The following XKR4 variants were observed in gnomAD, a reference collection of about 807,000 sequenced individuals.
The protein encoded by XKR4 is XK related 4.
In XKR4, 12 loss-of-function variants were observed where a neutral mutation model predicts 53.9. That is an observed-to-expected ratio of 0.22 (90% confidence interval 0.14 to 0.36). The LOEUF (loss-of-function observed/expected upper bound fraction) is 0.36. Ranked by LOEUF, XKR4 falls within the 10% of genes least tolerant of loss-of-function variation. The pLI is 1.00. For synonymous variants in XKR4, 354 were observed against 362.4 expected, an observed-to-expected ratio of 0.98 and a Z score of 0.26; for missense variants, 799 against 859.5, an observed-to-expected ratio of 0.93 and a Z score of 0.88.
At chr8:55,434,747 G>A (rs141755509) in intron 2 of XKR4, among the ~76,000 whole-genome samples, 54 of 152,238 alleles carry the variant, frequency 3.5e-4, no homozygotes, top group Admixed American at 1.1e-3. Flanking sequence ...ACTGTGTTTC[G>A]ACTTTGCTGC....
chr8:55,524,387 G>A lies in XKR4; in HGVS notation c.*160G>A. On this transcript the variant is annotated 3_prime_UTR_variant, in exon 3 of 3. Transcript: ENST00000327381. ...TTGATCCTGTCGGCTGGGGGCGGCT[G>A]GTCTCCTTCCAAAGCAGCTGCACCC... The A allele has an allele frequency of 1.4e-6, 1 of 733,854 alleles. No homozygotes were observed. Among genetic ancestry groups the A allele is most frequent in the East Asian group, 2.7e-5 (1 of 36,706 alleles). The allele number at this position is 733,854 out of a possible 1,614,324, so 45.5% of individuals were successfully genotyped here. A position where few individuals can be genotyped will look rare whatever the true frequency, so the allele number is the denominator to read the frequency against.
At chr8:55,462,960 C>T (rs961552842) in intron 2 of XKR4, among the ~76,000 whole-genome samples, 3 of 152,100 alleles carry the variant, frequency 2.0e-5, no homozygotes, top group South Asian at 2.1e-4. Flanking sequence ...TACAGGAGCA[C>T]CCAGATTCAT....
chr8:55,322,293 A>C (rs1263694411), intron 1 of XKR4, among the ~76,000 whole-genome samples: 2 of 152,168 alleles, frequency 1.3e-5, no homozygotes, highest in Non-Finnish European at 2.9e-5. Flanking sequence ...TTATAGCTGT[A>C]GTTTCTCTAT....
At chr8:55,482,045 A>G (rs959933896) in intron 2 of XKR4, among the ~76,000 whole-genome samples, 5 of 152,126 alleles carry the variant, frequency 3.3e-5, no homozygotes, top group African/African-American at 9.7e-5. Context: ...CCCATTACTG[A>G]GTATATACCC....
intron 1 of XKR4, among the ~76,000 whole-genome samples, chr8:55,336,035 C>G (rs1803454008): frequency 9.6e-6 from 1 of 103,768 alleles, no homozygotes; most frequent in Non-Finnish European, 1.9e-5. Context: ...TTATGCAACT[C>G]TATACCAAAA....
At chr8:55,235,184 CACATGGCCTTCTCCTCTGT>C (rs1452241628) in intron 1 of XKR4, among the ~76,000 whole-genome samples, 1 of 152,218 alleles carries the variant, frequency 6.6e-6, no homozygotes, top group African/African-American at 2.4e-5. Context: ...TCTCCATCCT[CACATGGCCTTCTCCTCTGT>C]ACCTGTGTTC....
At chr8:55,303,039 T>A (rs1819228213) in intron 1 of XKR4, among the ~76,000 whole-genome samples, 1 of 152,210 alleles carries the variant, frequency 6.6e-6, no homozygotes, top group Admixed American at 6.5e-5. Flanking sequence ...CTATGTTGAA[T>A]AGGAGTGGTG....
intron 1 of XKR4, among the ~76,000 whole-genome samples, chr8:55,153,080 G>T (rs555002377): frequency 6.6e-6 from 1 of 152,158 alleles, no homozygotes; most frequent in Non-Finnish European, 1.5e-5. Context: ...CCAGGCTCAC[G>T]CTGGGTTGAC....
At chr8:55,184,906 G>A (rs1260905373) in intron 1 of XKR4, among the ~76,000 whole-genome samples, 2 of 151,708 alleles carry the variant, frequency 1.3e-5, no homozygotes, top group African/African-American at 2.4e-5. Flanking sequence ...TGCAACCAAA[G>A]GGTTATTTAA....
At chr8:55,262,976 C>A (rs1464217146) in intron 1 of XKR4, among the ~76,000 whole-genome samples, 1 of 152,082 alleles carries the variant, frequency 6.6e-6, no homozygotes, top group Non-Finnish European at 1.5e-5. Context: ...GATACCTTCC[C>A]AAGTCTCTCA....
At chr8:55,225,206 C>T (rs1326559636) in intron 1 of XKR4, among the ~76,000 whole-genome samples, 1 of 152,168 alleles carries the variant, frequency 6.6e-6, no homozygotes, top group Non-Finnish European at 1.5e-5. Flanking sequence ...TTTACTGCTT[C>T]ATGTGGCTAT....
rs567287925 is a variant in XKR4 at position 55,487,455 on chromosome 8, T to C, written c.1007-35826T>C. On this transcript the variant is annotated intron_variant, in intron 2 of 2. Transcript: ENST00000327381. ...CAAAATAATGCATTTACTGGGTTTC[T>C]AGACATGCTTTCTTTTTTTTTTTTT... 2.1e-5 allele frequency among the ~76,000 whole-genome samples: 3 copies of C among 146,274 alleles called. No individual in the cohort carries two copies. The Admixed American group carries it at 2.1e-4, about 10-fold the overall frequency.
intron 2 of XKR4, among the ~76,000 whole-genome samples, chr8:55,358,518 G>C (rs1421174528): frequency 3.9e-5 from 6 of 152,184 alleles, no homozygotes; most frequent in Admixed American, 2.0e-4. Context: ...GATCTCATCA[G>C]TAGGACTATT....
rs1806917832 is a variant in XKR4, at chr8:55,529,276, A to G, written c.*5049A>G. ...ATTGCAGGCAGTGACCTGGCCCCCA[A>G]ATGTAAAGCTTTTGTCAACCTTGAG... On this transcript the variant is annotated 3_prime_UTR_variant, in exon 3 of 3. Coordinates refer to ENST00000327381, the MANE Select transcript of XKR4 (RefSeq NM_052898.2). 6.6e-6 allele frequency: 1 copy of G among 151,968 alleles called. No homozygotes were observed. Among genetic ancestry groups the G allele is most frequent in the Non-Finnish European group, 1.5e-5 (1 of 67,982 alleles). The allele number at this position is 151,968 out of a possible 1,614,324, so 9.4% of individuals were successfully genotyped here.
At chr8:55,266,675 C>T (rs553003022) in intron 1 of XKR4, among the ~76,000 whole-genome samples, 51 of 152,172 alleles carry the variant, frequency 3.4e-4, no homozygotes, top group African/African-American at 1.0e-3. Flanking sequence ...ATTTTCTGGA[C>T]GGCATGGCTG....
At chr8:55,167,167 C>T (rs1817080672) in intron 1 of XKR4, among the ~76,000 whole-genome samples, 1 of 152,056 alleles carries the variant, frequency 6.6e-6, no homozygotes, top group African/African-American at 2.4e-5. Context: ...GAGCAAATGG[C>T]AGAATTGAGT....
intron 2 of XKR4, among the ~76,000 whole-genome samples, chr8:55,416,840 A>G (rs1374023656): frequency 6.6e-6 from 1 of 152,244 alleles, no homozygotes; most frequent in South Asian, 2.1e-4. Flanking sequence ...TTTTTAACTC[A>G]CAAGACAATG....
At chr8:55,361,262 C>CGGAGAGG (rs1374581215) in intron 2 of XKR4, among the ~76,000 whole-genome samples, 10 of 151,778 alleles carry the variant, frequency 6.6e-5, no homozygotes, top group African/African-American at 2.4e-4. Context: ...AGGAGAGAGG[C>CGGAGAGG]GGAGAGGGGA....
At chr8:55,114,396 C>T (rs1235708524) in intron 1 of XKR4, among the ~76,000 whole-genome samples, 1 of 152,044 alleles carries the variant, frequency 6.6e-6, no homozygotes, top group Admixed American at 6.6e-5. Flanking sequence ...GTATTGAGAG[C>T]ACCAGTGGGG....
Sources: gnomAD v4.1 joint callset for allele counts (sites outside exome capture counted in the v4.1 genomes callset) on GRCh38, gnomAD v4.1.1 for gene constraint, MANE v1.5 for transcripts, NCBI Gene and HGNC (gene_info 2026-07-23, HGNC 2026-07-21) for gene names.